The following BLTP1 variants were observed in gnomAD, a reference collection of about 807,000 sequenced individuals.
BLTP1 encodes the protein bridge-like lipid transfer protein family member 1, also known as fragile site-associated protein.
chr4:122,333,900 T>G, the BLTP1 span: 1 of 1,460,032 alleles, frequency 6.8e-7, no homozygotes, highest in Non-Finnish European at 9.1e-7. Flanking sequence ...CTCATTATAT[T>G]AAAATGAGAC....
At chr4:122,155,115 C>T in the BLTP1 span, 1 of 164,592 alleles carries the variant, frequency 6.1e-6, no homozygotes, top group African/African-American at 2.4e-5. Flanking sequence ...GAGAACACTA[C>T]AGTAGTGCAT....
At chr4:122,336,002 TTA>T in the BLTP1 span, 2 of 467,482 alleles carry the variant, frequency 4.3e-6, no homozygotes, top group Non-Finnish European at 7.5e-6. Context: ...AACCAACTTA[TTA>T]TATGTTATTA....
the BLTP1 span, chr4:122,194,557 A>G: frequency 5.4e-6 from 5 of 934,340 alleles, no homozygotes; most frequent in Non-Finnish European, 6.4e-6. Flanking sequence ...TATTTAAACT[A>G]TATTGAGAAA....
chr4:122,298,385 C>T, the BLTP1 span: 2 of 239,392 alleles, frequency 8.4e-6, no homozygotes, highest in Non-Finnish European at 1.4e-5. Context: ...TCAAGATATA[C>T]ATAGAGTCAT....
the BLTP1 span, among the ~76,000 whole-genome samples, chr4:122,242,573 CATTT>C: frequency 6.6e-6 from 1 of 152,126 alleles, no homozygotes; most frequent in African/African-American, 2.4e-5. Context: ...TAGTCAGGTT[CATTT>C]ATTTATTTTC....
At chr4:122,230,161 ACATGAGG>A in the BLTP1 span, 1 of 1,614,164 alleles carries the variant, frequency 6.2e-7, no homozygotes, top group Non-Finnish European at 8.5e-7. Flanking sequence ...ATCATTCTAA[ACATGAGG>A]CACAAAGACA....
chr4:122,319,207 CTGTT>C, the BLTP1 span, among the ~76,000 whole-genome samples: 2 of 151,706 alleles, frequency 1.3e-5, no homozygotes, highest in Non-Finnish European at 2.9e-5. Flanking sequence ...TATTGATTTC[CTGTT>C]TGTTTTATTT....
the BLTP1 span, chr4:122,263,117 T>G: frequency 7.2e-7 from 1 of 1,388,366 alleles, no homozygotes; most frequent in Non-Finnish European, 9.5e-7. Flanking sequence ...AGAAAAAATT[T>G]TAGGAATCCA....
chr4:122,213,248 A>G, the BLTP1 span, among the ~76,000 whole-genome samples: 1 of 152,112 alleles, frequency 6.6e-6, no homozygotes, highest in East Asian at 1.9e-4. Flanking sequence ...CATGTTGCCC[A>G]GATTTGTCTC....
the BLTP1 span, chr4:122,316,912 C>A: frequency 7.7e-7 from 1 of 1,293,264 alleles, no homozygotes; most frequent in South Asian, 1.5e-5. Context: ...ATTTTAGAAT[C>A]ATAAGATGTT....
At chr4:122,211,816 T>TAA in the BLTP1 span, among the ~76,000 whole-genome samples, 1 of 152,188 alleles carries the variant, frequency 6.6e-6, no homozygotes, top group East Asian at 1.9e-4. Flanking sequence ...AAATCACTCT[T>TAA]ATTCTTTTGA....
chr4:122,270,349 T>G, the BLTP1 span: 8 of 984,702 alleles, frequency 8.1e-6, no homozygotes, highest in Non-Finnish European at 9.6e-6. Flanking sequence ...GAAAAATACC[T>G]TTTTACAGTT....
chr4:122,194,790 A>C, the BLTP1 span: 1 of 590,722 alleles, frequency 1.7e-6, no homozygotes, highest in Non-Finnish European at 2.1e-6. Flanking sequence ...GCAGTAGAGA[A>C]ATGACAGTGA....
chr4:122,233,056 C>G, the BLTP1 span, among the ~76,000 whole-genome samples: 1 of 152,194 alleles, frequency 6.6e-6, no homozygotes, highest in African/African-American at 2.4e-5. Context: ...CCCAAACTAC[C>G]AGCATCAACA....
At chr4:122,192,877 A>G in the BLTP1 span, among the ~76,000 whole-genome samples, 1 of 152,238 alleles carries the variant, frequency 6.6e-6, no homozygotes. Context: ...GGCTGCCTTA[A>G]TAAAGCATCA....
the BLTP1 span, chr4:122,352,762 T>C: frequency 4.2e-5 from 40 of 946,526 alleles, no homozygotes; most frequent in Middle Eastern, 7.4e-4. Context: ...TATTAGCTAT[T>C]GCTTAATGTT....
At chr4:122,287,681 A>G in the BLTP1 span, 1 of 985,298 alleles carries the variant, frequency 1.0e-6, no homozygotes, top group Non-Finnish European at 1.2e-6. Flanking sequence ...AAATATTATA[A>G]CTGCGGGGGA....
the BLTP1 span, among the ~76,000 whole-genome samples, chr4:122,342,213 G>A: frequency 6.6e-6 from 1 of 152,166 alleles, no homozygotes; most frequent in Non-Finnish European, 1.5e-5. Context: ...GCAGCAGTGA[G>A]ATGGAAGGAA....
At chr4:122,275,313 A>G in the BLTP1 span, among the ~76,000 whole-genome samples, 1 of 152,080 alleles carries the variant, frequency 6.6e-6, no homozygotes, top group Non-Finnish European at 1.5e-5. Flanking sequence ...ATCTACCTTT[A>G]CAGAACAATA....
Sources: allele counts gnomAD v4.1 joint callset (sites outside exome capture counted in the v4.1 genomes callset), GRCh38; gene constraint gnomAD v4.1.1; transcripts MANE v1.5; gene names NCBI Gene and HGNC (gene_info 2026-07-23, HGNC 2026-07-21).